RCBTB2: variants seen among roughly 807,000 people sequenced by gnomAD.
The protein encoded by RCBTB2 is RCC1 and BTB domain-containing protein 2.
A neutral mutation model predicts 65.4 loss-of-function variants in RCBTB2; 55 were observed. That is an observed-to-expected ratio of 0.84 (90% CI 0.68 to 1.05). The LOEUF (loss-of-function observed/expected upper bound fraction) is 1.05, where lower values mean the gene tolerates loss of function less well. Ranked by LOEUF, RCBTB2 falls within the 50% of genes least tolerant of loss-of-function variation. The pLI is 0.00. For missense variants in RCBTB2, 599 were observed against 680.1 expected (o/e 0.88, Z 1.33); for synonymous variants, 220 against 255.2 (o/e 0.86, Z 1.31).
At chr13:48,531,525 T>C (rs1320993216) in intron 1 of RCBTB2, among the ~76,000 whole-genome samples, 1 of 152,150 alleles carries the variant, frequency 6.6e-6, no homozygotes, top group Non-Finnish European at 1.5e-5. Context: ...GCCATGCAGA[T>C]TTGCGAAGAG....
intron 10 of RCBTB2, among the ~76,000 whole-genome samples, chr13:48,510,243 G>GCCTTTTC (rs1566291779): frequency 1.3e-5 from 2 of 152,268 alleles, no homozygotes; most frequent in Non-Finnish European, 2.9e-5. Context: ...CCCCATGCAA[G>GCCTTTTC]GTACCTTTTC....
chr13:48,507,814 G>A (rs142598206), intron 10 of RCBTB2, among the ~76,000 whole-genome samples: 11 of 152,316 alleles, frequency 7.2e-5, no homozygotes, highest in African/African-American at 1.4e-4. Flanking sequence ...AAAATATGCC[G>A]TTAGGGAACG....
At chr13:48,522,787 T>C (rs896307192) in intron 2 of RCBTB2, among the ~76,000 whole-genome samples, 3 of 152,234 alleles carry the variant, frequency 2.0e-5, no homozygotes, top group Non-Finnish European at 4.4e-5. Flanking sequence ...ATACAATCTA[T>C]TATTTCAGGT....
chr13:48,513,074 T>C (rs1484722152), intron 6 of RCBTB2, among the ~76,000 whole-genome samples, 179 bp from the exon 7 acceptor site: 1 of 152,214 alleles, frequency 6.6e-6, no homozygotes, highest in Non-Finnish European at 1.5e-5. Flanking sequence ...TAAACTGCAT[T>C]CTACCTCAAA....
intron 10 of RCBTB2, among the ~76,000 whole-genome samples, chr13:48,506,117 A>G (rs1950491086): frequency 6.6e-6 from 1 of 152,230 alleles, no homozygotes; most frequent in Non-Finnish European, 1.5e-5. Context: ...GACTGGCCAG[A>G]GCCGTGGAAT....
At chr13:48,508,301 C>T (rs754559055) in intron 10 of RCBTB2, among the ~76,000 whole-genome samples, 25 of 152,198 alleles carry the variant, frequency 1.6e-4, no homozygotes, top group Non-Finnish European at 3.1e-4. Flanking sequence ...CCTCGGAATA[C>T]GCCCGTGATT....
intron 1 of RCBTB2, chr13:48,532,259 A>C (rs150560967): frequency 6.6e-6 from 1 of 152,376 alleles, no homozygotes; most frequent in Non-Finnish European, 1.5e-5. Context: ...TCCAGGGCTG[A>C]GCAGAGCACT....
chr13:48,519,371 T>C (rs1355784974), intron 4 of RCBTB2, among the ~76,000 whole-genome samples: 1 of 152,212 alleles, frequency 6.6e-6, no homozygotes, highest in Non-Finnish European at 1.5e-5. Flanking sequence ...TTATATTTCG[T>C]CCTGCTCTGC....
chr13:48,511,902 C>T (rs1263798642), intron 8 of RCBTB2, 25 bp from the exon 9 acceptor site: 1 of 1,612,560 alleles, frequency 6.2e-7, no homozygotes, highest in Non-Finnish European at 8.5e-7. Flanking sequence ...GACCCTCAAT[C>T]CTCTCAAGAG....
rs530752856 is a variant in RCBTB2 at position 48,500,422 on chromosome 13, G to A, written c.1245-662C>T. On this transcript the variant is annotated intron_variant, in intron 12 of 14. Transcript: ENST00000344532. ...AAAATACAAAAATTAGCCAGGCATG[G>A]TGGTGTGCGCCTGTAATCCCAGCTA... Among the ~76,000 whole-genome samples the A allele has an allele frequency of 3.3e-4, 50 of 152,286 alleles. No individual in the cohort carries two copies. In the Middle Eastern group the frequency reaches 0.01, roughly 31 times the overall value.
intron 1 of RCBTB2, among the ~76,000 whole-genome samples, chr13:48,525,456 A>G (rs1951675157): frequency 6.9e-6 from 1 of 145,340 alleles, no homozygotes; most frequent in African/African-American, 2.5e-5. Context: ...AATTTCACAA[A>G]ATAATTCTTA....
At chr13:48,512,311 G>C in intron 7 of RCBTB2, 137 bp from the exon 8 acceptor site, 3 of 701,522 alleles carry the variant, frequency 4.3e-6, no homozygotes, top group Non-Finnish European at 7.1e-6. Context: ...CACAGGCAGA[G>C]AAGTGTTTAT....
intron 2 of RCBTB2, among the ~76,000 whole-genome samples, chr13:48,523,990 A>G (rs907889126): frequency 6.6e-6 from 1 of 152,204 alleles, no homozygotes; most frequent in African/African-American, 2.4e-5. Flanking sequence ...TAAGATTAAC[A>G]TAATTTCATA....
At chr13:48,533,428 C>G (rs2138692013), upstream of RCBTB2, among the ~76,000 whole-genome samples, 1 of 152,312 alleles carries the variant, frequency 6.6e-6, no homozygotes, top group Non-Finnish European at 1.5e-5. Context: ...AAGGATAAGG[C>G]GTGTATGATG....
At chr13:48,503,996 A>C (rs1038885105) in intron 10 of RCBTB2, among the ~76,000 whole-genome samples, 11 of 152,232 alleles carry the variant, frequency 7.2e-5, no homozygotes, top group Non-Finnish European at 1.0e-4. Context: ...TACAGCAGAC[A>C]ATGGTACCAG....
chr13:48,532,666 G>T (rs373038751), intron 1 of RCBTB2: 1 of 249,746 alleles, frequency 4.0e-6, no homozygotes, highest in Non-Finnish European at 8.0e-6. Flanking sequence ...CCTACCAGAG[G>T]ACTCGCGCAT....
intron 6 of RCBTB2, 37 bp from the exon 7 acceptor site, chr13:48,512,932 C>T (rs200382381): frequency 2.6e-6 from 4 of 1,542,060 alleles, no homozygotes; most frequent in East Asian, 4.5e-5. Context: ...TTTTTTACAA[C>T]ATCTACTTCA....
intron 14 of RCBTB2, among the ~76,000 whole-genome samples, chr13:48,494,746 G>GA (rs984826246): frequency 6.6e-6 from 1 of 152,200 alleles, no homozygotes; most frequent in African/African-American, 2.4e-5. Context: ...AATGGACTAG[G>GA]AAAAGTGCAT....
At chr13:48,508,125 A>G (rs564352315) in intron 10 of RCBTB2, among the ~76,000 whole-genome samples, 9 of 152,284 alleles carry the variant, frequency 5.9e-5, no homozygotes, top group South Asian at 4.2e-4. Context: ...CCCACATTCA[A>G]TCCAGTTCCT....
Sources: gnomAD v4.1 joint callset for allele counts (sites outside exome capture counted in the v4.1 genomes callset) on GRCh38, gnomAD v4.1.1 for gene constraint, MANE v1.5 for transcripts, NCBI Gene and HGNC (gene_info 2026-07-23, HGNC 2026-07-21) for gene names.